Variants in WDFY2 observed in about 807,000 individuals in gnomAD.
WDFY2 encodes the protein WD repeat and FYVE domain-containing protein 2.
WDFY2 carries 36 observed loss-of-function variants against 56.4 expected under a neutral mutation model. The observed-to-expected ratio is 0.64, with a 90% CI of 0.49 to 0.84. The LOEUF is 0.84. Ranked by LOEUF, WDFY2 falls within the 40% of genes least tolerant of loss-of-function variation. The pLI, the probability that WDFY2 is intolerant of heterozygous loss-of-function variation, is 0.00. For synonymous variants in WDFY2, 176 were observed against 183.7 expected, an observed-to-expected ratio of 0.96 and a Z score of 0.34; for missense variants, 444 against 512.2, an observed-to-expected ratio of 0.87 and a Z score of 1.29.
intron 8 of WDFY2, 108 bp from the exon 9 acceptor site, chr13:51,755,250 G>A (rs1953340955): frequency 6.8e-6 from 7 of 1,034,388 alleles, no homozygotes; most frequent in Non-Finnish European, 1.0e-5. Flanking sequence ...TCACACCTCT[G>A]TTTCTTTTAA....
At chr13:51,708,146 T>C (rs1175889103) in intron 4 of WDFY2, among the ~76,000 whole-genome samples, 2 of 151,420 alleles carry the variant, frequency 1.3e-5, no homozygotes, top group African/African-American at 2.4e-5. Flanking sequence ...CTTCCCAAAG[T>C]GCTGGGATTA....
At chr13:51,730,926 C>T (rs1419903055) in intron 6 of WDFY2, among the ~76,000 whole-genome samples, 1 of 152,162 alleles carries the variant, frequency 6.6e-6, no homozygotes, top group Non-Finnish European at 1.5e-5. Context: ...CACTTCCCAT[C>T]ACTGAGACCA....
chr13:51,710,474 A>G (rs1022755119), intron 4 of WDFY2, among the ~76,000 whole-genome samples: 11 of 152,150 alleles, frequency 7.2e-5, no homozygotes, highest in East Asian at 1.9e-4. Context: ...AGAGTATTCA[A>G]TTAGGAAAAG....
intron 10 of WDFY2, among the ~76,000 whole-genome samples, chr13:51,757,243 A>C (rs1953415262): frequency 6.6e-6 from 1 of 152,184 alleles, no homozygotes; most frequent in Non-Finnish European, 1.5e-5. Context: ...TTTTCTACTC[A>C]TCATACGTGA....
intron 1 of WDFY2, among the ~76,000 whole-genome samples, chr13:51,630,969 G>A (rs1050522393): frequency 1.1e-4 from 17 of 151,266 alleles, no homozygotes; most frequent in South Asian, 2.1e-4. Flanking sequence ...TAGTACAGAC[G>A]GGGTTTCACC....
At chr13:51,606,189 G>T (rs1320727659) in intron 1 of WDFY2, among the ~76,000 whole-genome samples, 1 of 152,148 alleles carries the variant, frequency 6.6e-6, no homozygotes, top group Non-Finnish European at 1.5e-5. Context: ...GCACATGATA[G>T]GATTTTTAGA....
chr13:51,647,691 T>G (rs1955286540), intron 1 of WDFY2, among the ~76,000 whole-genome samples: 1 of 150,914 alleles, frequency 6.6e-6, no homozygotes, highest in Non-Finnish European at 1.5e-5. Flanking sequence ...GTTCAGTAGT[T>G]CAAAGTGACA....
intron 10 of WDFY2, 95 bp downstream of exon 10, chr13:51,756,557 A>G (rs1953389048): frequency 6.8e-7 from 1 of 1,480,872 alleles, no homozygotes. Flanking sequence ...AGGTTGCTCT[A>G]GTTTCTGCTG....
intron 1 of WDFY2, among the ~76,000 whole-genome samples, chr13:51,626,922 C>T (rs181765408): frequency 1.3e-5 from 2 of 152,330 alleles, no homozygotes; most frequent in East Asian, 3.9e-4. Flanking sequence ...CAGCCCAGAT[C>T]CCATACCTAC....
At chr13:51,754,460 C>G (rs1735690393) in intron 8 of WDFY2, among the ~76,000 whole-genome samples, 1 of 152,208 alleles carries the variant, frequency 6.6e-6, no homozygotes, top group Non-Finnish European at 1.5e-5. Context: ...TCATGGAGAA[C>G]AGGGAGTTTT....
At chr13:51,670,797 G>A (rs1433701988) in intron 2 of WDFY2, among the ~76,000 whole-genome samples, 1 of 151,916 alleles carries the variant, frequency 6.6e-6, no homozygotes, top group African/African-American at 2.4e-5. Flanking sequence ...TTCTTTACTG[G>A]TGATTTCTGA....
chr13:51,723,036 T>C (rs1454238563), intron 5 of WDFY2, among the ~76,000 whole-genome samples: 1 of 152,186 alleles, frequency 6.6e-6, no homozygotes, highest in African/African-American at 2.4e-5. Flanking sequence ...TAATGTAATC[T>C]CTTAGATTTA....
intron 1 of WDFY2, chr13:51,589,986 C>CT (rs1379879143): frequency 6.6e-6 from 1 of 152,154 alleles, no homozygotes; most frequent in Non-Finnish European, 1.5e-5. Flanking sequence ...CAGAAATAGA[C>CT]TGACTTTTTA....
At chr13:51,697,101 A>G (rs561735006) in intron 3 of WDFY2, among the ~76,000 whole-genome samples, 2 of 152,328 alleles carry the variant, frequency 1.3e-5, no homozygotes, top group East Asian at 3.9e-4. Context: ...ATTTTAGAAT[A>G]TACTTATCAG....
At chr13:51,756,487 G>T in intron 10 of WDFY2, 25 bp downstream of exon 10, 1 of 1,604,322 alleles carries the variant, frequency 6.2e-7, no homozygotes, top group Non-Finnish European at 8.5e-7. Context: ...CCTGCAGACC[G>T]CTTCAGGTTA....
intron 1 of WDFY2, among the ~76,000 whole-genome samples, chr13:51,656,865 T>C (rs1234373616): frequency 6.6e-6 from 1 of 152,042 alleles, no homozygotes; most frequent in Non-Finnish European, 1.5e-5. Flanking sequence ...CCTATTTGTG[T>C]CTTTGGGTTT....
intron 5 of WDFY2, among the ~76,000 whole-genome samples, chr13:51,726,996 T>A (rs920732488): frequency 6.6e-6 from 1 of 152,234 alleles, no homozygotes; most frequent in South Asian, 2.1e-4. Flanking sequence ...CAAAGAAACT[T>A]TCCTATCTAA....
At chr13:51,631,601 A>G (rs1954953954) in intron 1 of WDFY2, among the ~76,000 whole-genome samples, 1 of 152,154 alleles carries the variant, frequency 6.6e-6, no homozygotes, top group African/African-American at 2.4e-5. Context: ...TGTTGAAATA[A>G]TGAGAAACAT....
chr13:51,657,586 T>C (rs1955533324), intron 1 of WDFY2, among the ~76,000 whole-genome samples: 1 of 152,202 alleles, frequency 6.6e-6, no homozygotes, highest in South Asian at 2.1e-4. Context: ...CCATATTGCA[T>C]ATGTTGGTAC....
Sources: allele counts gnomAD v4.1 joint callset (sites outside exome capture counted in the v4.1 genomes callset), GRCh38; gene constraint gnomAD v4.1.1; transcripts MANE v1.5; gene names NCBI Gene and HGNC (gene_info 2026-07-23, HGNC 2026-07-21).